The following SYT9 variants were observed in gnomAD, a reference collection of about 807,000 sequenced individuals.
SYT9 encodes the protein synaptotagmin 9.
In SYT9, 22 loss-of-function variants were observed where a neutral mutation model predicts 48.4. The ratio of observed to expected loss-of-function variants is 0.45; its 90% CI spans 0.32 to 0.65. The LOEUF (loss-of-function observed/expected upper bound fraction) is 0.65, where lower values mean the gene tolerates loss of function less well. Among genes scored for constraint, SYT9 ranks in the 30% least tolerant of loss-of-function variants. SYT9 has a pLI of 0.03. For synonymous variants in SYT9, 265 were observed against 245.0 expected, an observed-to-expected ratio of 1.08 and a Z score of -0.76; for missense variants, 577 against 622.0, an observed-to-expected ratio of 0.93 and a Z score of 0.77.
At chr11:7,391,788 C>T (rs976031495) in intron 3 of SYT9, among the ~76,000 whole-genome samples, 7 of 134,570 alleles carry the variant, frequency 5.2e-5, no homozygotes, top group East Asian at 2.5e-4. Flanking sequence ...TGGTGGCATA[C>T]GCCTGTAGTC....
chr11:7,362,213 C>T (rs181821093), intron 3 of SYT9, among the ~76,000 whole-genome samples: 1,664 of 147,574 alleles, frequency 0.011, 11 homozygotes, highest in Admixed American at 0.019. Context: ...GGTGTGATCT[C>T]GGCTTACTGC....
Position 7,467,101 on chromosome 11 carries a change from C to T in SYT9, c.*301C>T. On this transcript the variant is annotated 3_prime_UTR_variant, in exon 7 of 7. Coordinates refer to ENST00000318881, the MANE Select transcript of SYT9 (RefSeq NM_175733.4). ...GATATAGTGACAGTACCAAGAGTAC[C>T]AGGACTCAATGTTTCATATGAAGCC... 2.5e-6 allele frequency: 1 copy of T among 394,618 alleles called. No individual in the cohort carries two copies. Among genetic ancestry groups the T allele is most frequent in the South Asian group, 6.7e-5 (1 of 14,890 alleles). The allele number at this position is 394,618 out of a possible 1,614,324, so 24.4% of individuals were successfully genotyped here. A position where few individuals can be genotyped will look rare whatever the true frequency, so the allele number is the denominator to read the frequency against.
At chr11:7,263,363 C>T (rs1275052313) in intron 1 of SYT9, among the ~76,000 whole-genome samples, 3 of 152,162 alleles carry the variant, frequency 2.0e-5, no homozygotes, top group Non-Finnish European at 4.4e-5. Flanking sequence ...TAATCCCATT[C>T]ATGGGGGCTC....
chr11:7,301,359 A>G (rs777731255), intron 1 of SYT9, among the ~76,000 whole-genome samples: 1 of 152,226 alleles, frequency 6.6e-6, no homozygotes, highest in Non-Finnish European at 1.5e-5. Context: ...AGTTTTATCA[A>G]TTCACAAGAA....
intron 6 of SYT9, among the ~76,000 whole-genome samples, chr11:7,432,635 A>T (rs1439715784): frequency 1.1e-5 from 1 of 93,906 alleles, no homozygotes; most frequent in Non-Finnish European, 2.1e-5. Context: ...ATATATATAT[A>T]TATTTAATGA....
chr11:7,289,935 T>C (rs935801929), intron 1 of SYT9, among the ~76,000 whole-genome samples: 4 of 152,232 alleles, frequency 2.6e-5, no homozygotes, highest in South Asian at 2.1e-4. Flanking sequence ...ATCATATTAT[T>C]TGTAGAAAGC....
chr11:7,384,963 A>G, intron 3 of SYT9, among the ~76,000 whole-genome samples: 1 of 151,448 alleles, frequency 6.6e-6, no homozygotes, highest in South Asian at 2.1e-4. Context: ...TCCTTACCTC[A>G]TTTCTCCAGG....
chr11:7,283,631 G>T (rs1848543676), intron 1 of SYT9, among the ~76,000 whole-genome samples: 1 of 151,676 alleles, frequency 6.6e-6, no homozygotes, highest in Admixed American at 6.6e-5. Context: ...TGGTTTAACT[G>T]ACTTTTTCAA....
At chr11:7,420,410 A>G in intron 5 of SYT9, 96 bp from the exon 6 acceptor site, 2 of 1,481,000 alleles carry the variant, frequency 1.4e-6, no homozygotes, top group East Asian at 2.3e-5. Flanking sequence ...ACAAACAAAA[A>G]ACCACATCCC....
chr11:7,286,671 G>A (rs987066377), intron 1 of SYT9, among the ~76,000 whole-genome samples: 5 of 151,996 alleles, frequency 3.3e-5, no homozygotes, highest in African/African-American at 4.8e-5. Flanking sequence ...TGAACACTTC[G>A]CCACTTAGAT....
chr11:7,434,912 G>A (rs1133666), intron 6 of SYT9: 1 of 152,138 alleles, frequency 6.6e-6, no homozygotes, highest in Non-Finnish European at 1.5e-5. Flanking sequence ...CTCTTCTCCT[G>A]CTCCTTACAG....
intron 1 of SYT9, among the ~76,000 whole-genome samples, chr11:7,302,078 A>G (rs1012861411): frequency 6.6e-6 from 1 of 152,150 alleles, no homozygotes; most frequent in African/African-American, 2.4e-5. Flanking sequence ...CAGCCTCTGC[A>G]TTGATTTCAG....
chr11:7,424,147 C>T (rs1032026288), intron 6 of SYT9, among the ~76,000 whole-genome samples: 8 of 152,212 alleles, frequency 5.3e-5, no homozygotes, highest in Admixed American at 3.3e-4. Context: ...GCATCCAATA[C>T]ACCCTGACCT....
chr11:7,319,871 A>C (rs1202437603), intron 3 of SYT9, among the ~76,000 whole-genome samples: 1 of 152,158 alleles, frequency 6.6e-6, no homozygotes, highest in African/African-American at 2.4e-5. Context: ...CTGTGGATTA[A>C]TGCTTTCTTG....
rs35168457 is a variant in SYT9, at chr11:7,427,097, G to GA, written c.1467+6471dup. ...TTGAGTTAGCATTTGGTGAACAAATGAAAAAAAAATGAATGAATGAGATAT... is the reference window on the plus strand; with the variant it reads ...TTGAGTTAGCATTTGGTGAACAAATGAAAAAAAAAATGAATGAATGAGATAT... On this transcript the variant is annotated intron_variant, in intron 6 of 6. Coordinates refer to ENST00000318881, the MANE Select transcript of SYT9 (RefSeq NM_175733.4). Among the ~76,000 whole-genome samples the GA allele has an allele frequency of 1.1e-4, 17 of 150,656 alleles. No individual in the cohort carries two copies. In the East Asian group the frequency reaches 1.2e-3, roughly 10 times the overall value.
chr11:7,239,677 G>A (rs531901266), intron 1 of SYT9, among the ~76,000 whole-genome samples: 2 of 152,176 alleles, frequency 1.3e-5, no homozygotes, highest in Admixed American at 6.5e-5. Context: ...CAGGCAGAGG[G>A]TGATGGTGGT....
At chr11:7,422,760 C>G (rs111530727) in intron 6 of SYT9, among the ~76,000 whole-genome samples, 66 of 152,170 alleles carry the variant, frequency 4.3e-4, no homozygotes, top group African/African-American at 1.5e-3. Context: ...GTGACCTGGG[C>G]AGGGGAGTAG....
intron 3 of SYT9, among the ~76,000 whole-genome samples, chr11:7,394,311 A>T (rs1486503747): frequency 6.6e-6 from 1 of 152,194 alleles, no homozygotes; most frequent in Middle Eastern, 3.2e-3. Context: ...TTATAGGTGC[A>T]TAGTATTCCA....
chr11:7,266,241 A>G (rs1330422245), intron 1 of SYT9, among the ~76,000 whole-genome samples: 1 of 152,130 alleles, frequency 6.6e-6, no homozygotes, highest in East Asian at 1.9e-4. Flanking sequence ...TAGATTTAAT[A>G]TAACTGTAAT....
Sources: gnomAD v4.1 joint callset for allele counts (sites outside exome capture counted in the v4.1 genomes callset) on GRCh38, gnomAD v4.1.1 for gene constraint, MANE v1.5 for transcripts, NCBI Gene and HGNC (gene_info 2026-07-23, HGNC 2026-07-21) for gene names.